The following VWA3A variants were observed in gnomAD, a reference collection of about 807,000 sequenced individuals.
The protein encoded by VWA3A is von Willebrand factor A domain containing 3A.
A neutral mutation model predicts 160.4 loss-of-function variants in VWA3A; 134 were observed. The observed-to-expected ratio is 0.84, with a 90% CI of 0.73 to 0.96. VWA3A has a LOEUF of 0.96. VWA3A is among the 40% of genes least tolerant of loss of function. The probability of loss-of-function intolerance (pLI) is 0.00; values close to 1 mark genes in which losing one functional copy is unlikely to be tolerated. For missense variants in VWA3A, 1,310 were observed against 1,447.9 expected (o/e 0.90, Z 1.55); for synonymous variants, 476 against 543.4 (o/e 0.88, Z 1.72).
rs2046252903 is a variant in VWA3A at position 22,146,440 on chromosome 16, C to T, written c.2839+96C>T. ...AGTGTCAGTCCTTCCAAAGCCAGGC[C>T]TTCAAGAACTGCAGATCAGAGGATT... is the stretch of plus-strand genomic sequence containing the variant. On this transcript the variant is annotated intron_variant, in intron 27 of 33. Transcript: ENST00000389398. The T allele has an allele frequency of 3.1e-6, 3 of 977,526 alleles. No homozygotes were observed. The Admixed American group carries it at 6.9e-5, about 23-fold the overall frequency. The allele number at this position is 977,526 out of a possible 1,614,324, so 60.6% of individuals were successfully genotyped here. A position where few individuals can be genotyped will look rare whatever the true frequency, so the allele number is the denominator to read the frequency against.
chr16:22,154,706 G>A (rs1376496645), intron 31 of VWA3A, among the ~76,000 whole-genome samples: 2 of 151,388 alleles, frequency 1.3e-5, no homozygotes, highest in African/African-American at 4.8e-5. Flanking sequence ...TGTAATCCCA[G>A]CACTTTGGGA....
chr16:22,146,313 C>T lies in VWA3A; in HGVS notation c.2808C>T (p.Arg936=). ...GGCACTTGGAGAAGGTGTTAAGGCG[C>T]TATGTCCAGAGGCTGCAGTGGCTGC... The part of the protein sequence containing the change: ...YIRHLEKVLR[R]YVQRLQWLLS... Residue 936 remains arginine (R), a synonymous_variant, in exon 27 of 34, where the codon CGC becomes CGT. Transcript: ENST00000389398. 5.0e-6 allele frequency: 8 copies of T among 1,613,494 alleles called. No homozygotes were observed. The highest frequency in any genetic ancestry group is 5.9e-6 in the Non-Finnish European group (7 of 1,179,652).
At chr16:22,094,236 G>A (rs2045280965) in intron 1 of VWA3A, among the ~76,000 whole-genome samples, 1 of 152,098 alleles carries the variant, frequency 6.6e-6, no homozygotes, top group Non-Finnish European at 1.5e-5. Flanking sequence ...GACACTATGG[G>A]GCGGCCAGTG....
intron 6 of VWA3A, among the ~76,000 whole-genome samples, chr16:22,103,989 G>A (rs1341128458): frequency 1.3e-5 from 2 of 152,176 alleles, no homozygotes; most frequent in South Asian, 4.1e-4. Flanking sequence ...GGGGGAAGGG[G>A]AAAGAGACTG....
chr16:22,116,958 G>C (rs1380237749), intron 10 of VWA3A, 91 bp downstream of exon 10: 2 of 1,430,898 alleles, frequency 1.4e-6, no homozygotes, highest in Admixed American at 1.8e-5. Flanking sequence ...ACAGGCCCCC[G>C]AGCTGTGGAC....
Position 22,148,287 on chromosome 16 carries a change from C to T in VWA3A, c.2965C>T (p.Leu989=). Residue 989 remains leucine (L), a synonymous_variant, in exon 28 of 34, where the codon CTG becomes TTG. Transcript: ENST00000389398. ...GCTGGTTTTGCTGATTTGGGAACAG[C>T]TGCGGAAGTGCTGTGACAGGTAGGA... ...TELVLLIWEQ[L]RKCCDSFNLL... 10 of 1,596,874 alleles carry T rather than the reference C, an allele frequency of 6.3e-6. No homozygotes were observed. Among genetic ancestry groups the T allele is most frequent in the Non-Finnish European group, 8.5e-6 (10 of 1,171,912 alleles).
At chr16:22,152,444 G>A (rs1421513306) in intron 30 of VWA3A, 67 bp from the exon 31 acceptor site, 23 of 1,589,008 alleles carry the variant, frequency 1.4e-5, no homozygotes, top group Admixed American at 3.6e-5. Context: ...CCCCATGGAC[G>A]TGGGGAGTCA....
intron 17 of VWA3A, among the ~76,000 whole-genome samples, chr16:22,126,616 C>T (rs2045854167): frequency 6.6e-6 from 1 of 152,108 alleles, no homozygotes; most frequent in South Asian, 2.1e-4. Context: ...AAAGGAAGGA[C>T]CCCAGCCATG....
In VWA3A at chr16:22,149,938, C is replaced by A. The variant is rs1021557094; in HGVS notation, c.3129+7C>A. On this transcript the variant is annotated splice_region_variant and intron_variant, in intron 29 of 33. Transcript: ENST00000389398. ...CATCTTGCAAGCATTGCTGGCAAGT[C>A]CCACCACGGAGCCCGACCTTGACGC... is the stretch of plus-strand genomic sequence containing the variant. 1 of 1,599,600 alleles carries A rather than the reference C, an allele frequency of 6.3e-7. No homozygotes were observed. The highest frequency in any genetic ancestry group is 1.7e-5 in the Admixed American group (1 of 59,290).
rs2046370124 is a variant in VWA3A at position 22,152,621 on chromosome 16, T to G, written c.3392T>G (p.Phe1131Cys). The change falls in exon 31 of 34, where the codon TTC (phenylalanine) becomes TGC (cysteine). Residue 1131 changes from phenylalanine to cysteine, a missense_variant. Physicochemically the swap from Phe to Cys is radical, Grantham distance 205. Coordinates refer to ENST00000389398, the MANE Select transcript of VWA3A (RefSeq NM_173615.5). The stretch of plus-strand genomic sequence containing the variant: ...ATTCACAGCCTGCTGACCAAAGGCT[T>G]CATCAATGAAAAGGTAGGTTGCAGA... ...SKIHSLLTKG[F>C]INEKDPTLPP... 3 of 1,605,944 alleles carry G rather than the reference T, an allele frequency of 1.9e-6. No homozygotes were observed. The African/African-American group carries it at 4.0e-5, about 21-fold the overall frequency.
At position 22,140,174 on chromosome 16, in the gene VWA3A, CAGAG is replaced by C. The variant is rs2141991010; in HGVS notation, c.2317_2320del (p.Glu773ArgfsTer5). 1 of 1,613,652 alleles carries C rather than the reference CAGAG, an allele frequency of 6.2e-7. No homozygotes were observed. Among genetic ancestry groups the C allele is most frequent in the Non-Finnish European group, 8.5e-7 (1 of 1,179,724 alleles). ...TCTAGAGCATTAAAGATGACCCTGA[CAGAG>C]AGAAGAGCCCCCCGCTGAAATCTCT... On this transcript the variant is annotated frameshift_variant, in exon 23 of 34. Coordinates refer to ENST00000389398, the MANE Select transcript of VWA3A (RefSeq NM_173615.5). LOFTEE classifies it high-confidence loss of function.
At chr16:22,142,852 A>G in intron 25 of VWA3A, 87 bp downstream of exon 25, 2 of 1,048,866 alleles carry the variant, frequency 1.9e-6, no homozygotes, top group Non-Finnish European at 2.8e-6. Flanking sequence ...GGGGGGGCAT[A>G]ATCAGAAATG....
intron 18 of VWA3A, 118 bp from the exon 19 acceptor site, chr16:22,131,467 G>T: frequency 6.7e-7 from 1 of 1,498,866 alleles, no homozygotes; most frequent in Non-Finnish European, 9.0e-7. Flanking sequence ...TTCACTTTAT[G>T]AGAGTGATGA....
intron 17 of VWA3A, among the ~76,000 whole-genome samples, chr16:22,127,446 T>A (rs1220347084): frequency 6.6e-6 from 1 of 152,124 alleles, no homozygotes; most frequent in Non-Finnish European, 1.5e-5. Flanking sequence ...TATATATAGT[T>A]TTTTAAATTG....
At chr16:22,133,944 G>C (rs1054331493) in intron 20 of VWA3A, among the ~76,000 whole-genome samples, 3 of 152,126 alleles carry the variant, frequency 2.0e-5, no homozygotes, top group Non-Finnish European at 4.4e-5. Flanking sequence ...TGGTTGGCAA[G>C]ATAGTTGTAC....
At chr16:22,129,422 G>GAAAGAAAT (rs1567212558) in intron 17 of VWA3A, among the ~76,000 whole-genome samples, 1 of 150,724 alleles carries the variant, frequency 6.6e-6, no homozygotes, top group African/African-American at 2.4e-5. Context: ...AAGAAAGAAA[G>GAAAGAAAT]AAAGAGGTGC....
intron 17 of VWA3A, among the ~76,000 whole-genome samples, chr16:22,128,443 C>T (rs770710561): frequency 6.6e-5 from 10 of 151,994 alleles, no homozygotes; most frequent in African/African-American, 1.9e-4. Flanking sequence ...CAGGTGCTGG[C>T]GAGGTAGCAG....
chr16:22,156,069 C>G lies in VWA3A; in HGVS notation c.*52C>G. On this transcript the variant is annotated 3_prime_UTR_variant, in exon 34 of 34. Coordinates refer to ENST00000389398, the MANE Select transcript of VWA3A (RefSeq NM_173615.5). ...GCAAAGGACCACTCACTGAGCAAATCTCAGCCCCGAGGGCAGGATGGGATG... is the reference window on the plus strand; with the variant it reads ...GCAAAGGACCACTCACTGAGCAAATGTCAGCCCCGAGGGCAGGATGGGATG... 1 of 805,208 alleles carries G rather than the reference C, an allele frequency of 1.2e-6. No homozygotes were observed. Among genetic ancestry groups the G allele is most frequent in the Non-Finnish European group, 2.0e-6 (1 of 511,850 alleles). The allele number at this position is 805,208 out of a possible 1,614,324, so 49.9% of individuals were successfully genotyped here.
rs750693238 is a variant in VWA3A, at chr16:22,152,794, TG to T, written c.3405+163del. Among the ~76,000 whole-genome samples the T allele has an allele frequency of 3.3e-5, 5 of 152,230 alleles. No homozygotes were observed. In the East Asian group the frequency reaches 7.7e-4, roughly 24 times the overall value. ...CAGGCATGAGCCACCACGCCCATCC[TG>T]GGTTTTCCTTCTGACGAAAAAGATC... On this transcript the variant is annotated intron_variant, in intron 31 of 33. Coordinates refer to ENST00000389398, the MANE Select transcript of VWA3A (RefSeq NM_173615.5).
Sources: gnomAD v4.1 joint callset for allele counts (sites outside exome capture counted in the v4.1 genomes callset) on GRCh38, gnomAD v4.1.1 for gene constraint, MANE v1.5 for transcripts, NCBI Gene and HGNC (gene_info 2026-07-23, HGNC 2026-07-21) for gene names.